Variants in NUP153 observed in about 807,000 individuals in gnomAD.
The protein encoded by NUP153 is nucleoporin 153, also known as nuclear pore complex protein Nup153.
Under a neutral mutation model 134.6 loss-of-function variants are expected in NUP153, and 27 were observed. That is an observed-to-expected ratio of 0.20 (90% CI 0.15 to 0.28). The LOEUF is 0.28. Ranked by LOEUF, NUP153 falls within the 10% of genes least tolerant of loss-of-function variation. The pLI is 1.00. For missense variants in NUP153, 1,821 were observed against 1,731.3 expected, an observed-to-expected ratio of 1.05 and a Z score of -0.92; for synonymous variants, 640 against 623.5, an observed-to-expected ratio of 1.03 and a Z score of -0.40.
At chr6:17,698,844 G>C (rs1377297404) in intron 1 of NUP153, among the ~76,000 whole-genome samples, 3 of 150,340 alleles carry the variant, frequency 2.0e-5, no homozygotes, top group Non-Finnish European at 4.4e-5. Flanking sequence ...TTGCACTCCA[G>C]CCTGGGCAAC....
chr6:17,621,806 T>C (rs1213155279), intron 20 of NUP153, among the ~76,000 whole-genome samples: 1 of 152,208 alleles, frequency 6.6e-6, no homozygotes, highest in Non-Finnish European at 1.5e-5. Flanking sequence ...TAATTTATTG[T>C]ACATTTCAAA....
intron 2 of NUP153, among the ~76,000 whole-genome samples, chr6:17,687,769 CAT>C (rs1205576511): frequency 1.3e-5 from 2 of 152,046 alleles, no homozygotes; most frequent in East Asian, 3.9e-4. Flanking sequence ...CTGAAAGAAA[CAT>C]ACACTGAGAG....
Position 17,632,725 on chromosome 6 carries a change from C to T in NUP153, c.2584G>A (p.Val862Met). 1 of 1,613,770 alleles carries T rather than the reference C, an allele frequency of 6.2e-7. No individual in the cohort carries two copies. The part of the protein sequence containing the change: ...EGSWDCELCL[V>M]QNKADSTKCL... ...TTGGTAGAGTCTGCCTTATTCTGCA[C>T]TAGGCACAATTCACAGTCCCAGCTT... Residue 862 changes from valine to methionine, a missense_variant, in exon 17 of 22, where the codon GTG becomes ATG. Physicochemically the swap from Val to Met is conservative, Grantham distance 21 (BLOSUM62 1). Coordinates refer to ENST00000262077, the MANE Select transcript of NUP153 (RefSeq NM_005124.4).
At chr6:17,667,802 C>T (rs73369319) in intron 8 of NUP153, among the ~76,000 whole-genome samples, 2,678 of 152,276 alleles carry the variant, frequency 0.018, 79 homozygotes, top group African/African-American at 0.062. Flanking sequence ...ACAAAAGATA[C>T]CTCTTTAACC....
chr6:17,624,136 G>A (rs766488954), intron 20 of NUP153, among the ~76,000 whole-genome samples: 4 of 152,172 alleles, frequency 2.6e-5, no homozygotes, highest in Non-Finnish European at 5.9e-5. Flanking sequence ...GGAAAGGCTG[G>A]TATCATCAGT....
chr6:17,701,831 T>TGGGTG (rs1180643494), intron 1 of NUP153, among the ~76,000 whole-genome samples: 1 of 15,054 alleles, frequency 6.6e-5, no homozygotes, highest in Non-Finnish European at 1.9e-4. Flanking sequence ...AGACTCTGTC[T>TGGGTG]CGGGGGGGGG....
chr6:17,631,067 A>T (rs1025613909), intron 17 of NUP153, among the ~76,000 whole-genome samples: 1 of 152,220 alleles, frequency 6.6e-6, no homozygotes, highest in African/African-American at 2.4e-5. Context: ...CAAACTTCTA[A>T]AACACTTAAA....
At chr6:17,684,660 T>C (rs534288915) in intron 2 of NUP153, among the ~76,000 whole-genome samples, 20 of 152,326 alleles carry the variant, frequency 1.3e-4, no homozygotes, top group Admixed American at 8.5e-4. Flanking sequence ...GAGGCCTAGC[T>C]TCAGGCCTGT....
rs1221855662 is a variant in NUP153 at position 17,646,497 on chromosome 6, C to T, written c.1633-343G>A. Among the ~76,000 whole-genome samples, 6 of 152,122 alleles carry T rather than the reference C, an allele frequency of 3.9e-5. No homozygotes were observed. In the South Asian group the frequency reaches 1.0e-3, roughly 26 times the overall value. On this transcript the variant is annotated intron_variant, in intron 13 of 21. Transcript: ENST00000262077. ...CTGGGATTACAGGCGTGAGCCACCG[C>T]GCCTGGCCCAAATATAGAGGTTATT...
At chr6:17,688,694 C>G (rs2113850843) in intron 1 of NUP153, 76 bp from the exon 2 acceptor site, 1 of 1,155,684 alleles carries the variant, frequency 8.7e-7, no homozygotes. Context: ...CACTGAAAGC[C>G]AGGCCAAGCA....
intron 17 of NUP153, among the ~76,000 whole-genome samples, chr6:17,631,266 G>A (rs1274492139): frequency 6.6e-6 from 1 of 152,176 alleles, no homozygotes; most frequent in Non-Finnish European, 1.5e-5. Flanking sequence ...GCAGGTGATG[G>A]CTCACAATAT....
At chr6:17,649,368 A>AT in intron 11 of NUP153, 68 bp from the exon 12 acceptor site, 1 of 1,450,422 alleles carries the variant, frequency 6.9e-7, no homozygotes, top group Non-Finnish European at 9.5e-7. Context: ...ACTTATTTTC[A>AT]GCATGAAAGT....
Position 17,675,556 on chromosome 6 carries a change from A to G in NUP153, c.549T>C (p.Thr183=). Reference sequence around the variant, plus strand: ...AAGCTCTTGAAGAAAAACCACTGGTAGTTGAGATGTTATCATCATCATGCT... The same window carrying G: ...AAGCTCTTGAAGAAAAACCACTGGTGGTTGAGATGTTATCATCATCATGCT... ...TSQHDDDNIS[T]TSGFSSRASD... The change falls in exon 3 of 22, where the codon ACT becomes ACC. Residue 183 remains threonine (T), a synonymous_variant. Transcript: ENST00000262077. This position sits in a 1 kb window ranked among gnomAD's most constrained non-coding sequence, Gnocchi z 4.4. 6.2e-7 allele frequency: 1 copy of G among 1,614,032 alleles called. No individual in the cohort carries two copies. Among genetic ancestry groups the G allele is most frequent in the Non-Finnish European group, 8.5e-7 (1 of 1,179,860 alleles).
chr6:17,645,467 CT>C (rs71002239), intron 14 of NUP153, among the ~76,000 whole-genome samples: 41,114 of 135,252 alleles, frequency 0.3, 6,034 homozygotes, highest in East Asian at 0.32. Context: ...ATTTCTTTTT[CT>C]TTTTTTTTTT....
intron 11 of NUP153, among the ~76,000 whole-genome samples, chr6:17,660,707 T>G (rs1767125446): frequency 6.6e-6 from 1 of 152,068 alleles, no homozygotes; most frequent in Non-Finnish European, 1.5e-5. Flanking sequence ...TATTGTCATA[T>G]GGTGGAAATG....
At chr6:17,684,467 C>T (rs1212583199) in intron 2 of NUP153, among the ~76,000 whole-genome samples, 1 of 152,240 alleles carries the variant, frequency 6.6e-6, no homozygotes, top group Non-Finnish European at 1.5e-5. Flanking sequence ...CTCTGGATTA[C>T]ACTTTGGCTT....
intron 11 of NUP153, 77 bp from the exon 12 acceptor site, chr6:17,649,377 G>T: frequency 7.3e-7 from 1 of 1,365,156 alleles, no homozygotes; most frequent in Non-Finnish European, 1.0e-6. Flanking sequence ...CAGCATGAAA[G>T]TATACAGGAA....
intron 1 of NUP153, among the ~76,000 whole-genome samples, chr6:17,703,319 A>G (rs1770250267): frequency 1.3e-5 from 2 of 152,300 alleles, no homozygotes; most frequent in Admixed American, 1.3e-4. Flanking sequence ...AAATGAACAC[A>G]TGCAGAAGTC....
intron 1 of NUP153, among the ~76,000 whole-genome samples, chr6:17,693,441 CACCCCTCCACTCCAGT>C (rs1372846953): frequency 6.6e-6 from 1 of 152,218 alleles, no homozygotes; most frequent in Non-Finnish European, 1.5e-5. Context: ...ACCACTCCAG[CACCCCTCCACTCCAGT>C]TACAGCATTT....
Sources: allele counts gnomAD v4.1 joint callset (sites outside exome capture counted in the v4.1 genomes callset), GRCh38; gene constraint gnomAD v4.1.1; non-coding constraint Gnocchi (gnomAD v3.1); transcripts MANE v1.5; gene names NCBI Gene and HGNC (gene_info 2026-07-23, HGNC 2026-07-21).